Variants in CABP4 observed in about 807,000 individuals in gnomAD.
The protein encoded by CABP4 is calcium binding protein 4.
Under a neutral mutation model 30.7 loss-of-function variants are expected in CABP4, and 30 were observed. The observed-to-expected ratio is 0.98, with a 90% CI of 0.73 to 1.33. The LOEUF (loss-of-function observed/expected upper bound fraction) is 1.33, where lower values mean the gene tolerates loss of function less well. Ranked by LOEUF, CABP4 falls within the 40% of genes most tolerant of loss-of-function variation. The pLI is 0.00. For missense variants in CABP4, 424 were observed against 395.5 expected, an observed-to-expected ratio of 1.07 and a Z score of -0.61; for synonymous variants, 161 against 159.2, an observed-to-expected ratio of 1.01 and a Z score of -0.08.
rs536552621 is a variant in CABP4, at chr11:67,455,525, G to A, written c.102G>A (p.Glu34=). The A allele has an allele frequency of 6.2e-6, 10 of 1,603,584 alleles. No individual in the cohort carries two copies. The highest frequency in any genetic ancestry group is 8.5e-6 in the Non-Finnish European group (10 of 1,176,296). ...TGACTCCCAAGAGTGATGCAGAGGA[G>A]CCCCCGTTGACCAGGAAGAGGAGCA... ...GVVTPKSDAE[E]PPLTRKRSKK... The change falls in exon 1 of 6, where the codon GAG becomes GAA. Residue 34 remains glutamate, a synonymous_variant. Transcript: ENST00000325656.
At chr11:67,453,305 C>T (rs1191752910), upstream of CABP4, 1 of 152,670 alleles carries the variant, frequency 6.6e-6, no homozygotes, top group Non-Finnish European at 1.5e-5. Flanking sequence ...CAGACTTAAT[C>T]TTCTGCCATG....
At chr11:67,458,294 T>A (rs963892282) in intron 4 of CABP4, 77 bp from the exon 5 acceptor site, 16 of 1,111,240 alleles carry the variant, frequency 1.4e-5, no homozygotes, top group East Asian at 3.0e-5. Flanking sequence ...TAAAATAAAA[T>A]AAAAAATAAA....
intron 1 of CABP4, 117 bp from the exon 2 acceptor site, chr11:67,456,071 C>A: frequency 5.6e-6 from 9 of 1,595,198 alleles, no homozygotes; most frequent in Non-Finnish European, 7.7e-6. Flanking sequence ...CTTCAGGGTC[C>A]TTTTCCTACT....
At chr11:67,455,927 G>A in intron 1 of CABP4, 138 bp downstream of exon 1, 1 of 1,330,264 alleles carries the variant, frequency 7.5e-7, no homozygotes, top group Non-Finnish European at 1.0e-6. Flanking sequence ...GGGCAGGGTT[G>A]CTGCGGTTTG....
chr11:67,460,516 T>TATATACAC lies in CABP4; in HGVS notation c.*1858_*1859insTATACACA, dbSNP rs1554998700. ...AAAAAAATAAAGTATATTTTATATA[T>TATATACAC]ACACACACACACACACACACACACA... On this transcript the variant is annotated 3_prime_UTR_variant, in exon 6 of 6. Transcript: ENST00000325656. 1.3e-5 allele frequency among the ~76,000 whole-genome samples: 2 copies of TATATACAC among 149,492 alleles called. No individual in the cohort carries two copies. Among genetic ancestry groups the TATATACAC allele is most frequent in the African/African-American group, 4.9e-5 (2 of 41,032 alleles).
rs1332932149 is a variant in CABP4, at chr11:67,458,810, G to A, written c.*151G>A. 2.2e-6 allele frequency: 2 copies of A among 915,664 alleles called. No individual in the cohort carries two copies. The highest frequency in any genetic ancestry group is 3.4e-6 in the Non-Finnish European group (2 of 581,526). 56.7% of individuals were successfully genotyped at this position (915,664 alleles called of 1,614,324 possible). A position where few individuals can be genotyped will look rare whatever the true frequency, so the allele number is the denominator to read the frequency against. On this transcript the variant is annotated 3_prime_UTR_variant, in exon 6 of 6. Transcript: ENST00000325656. ...CCTGAAAACACCTGGCCTCAATGTT[G>A]GCTTGTTATGTTACCTGCCCACCCT... is the stretch of plus-strand genomic sequence containing the variant.
intron 3 of CABP4, among the ~76,000 whole-genome samples, 168 bp downstream of exon 3, chr11:67,456,610 A>C (rs1211037062): frequency 6.6e-6 from 1 of 152,152 alleles, no homozygotes; most frequent in Non-Finnish European, 1.5e-5. Context: ...TCTGTGTGGG[A>C]AGGCAGGCCA....
chr11:67,452,959 A>C, upstream of CABP4: 1 of 447,782 alleles, frequency 2.2e-6, no homozygotes, highest in Non-Finnish European at 3.9e-6. Context: ...AGGTTCAGAG[A>C]ATCAGTGAAG....
Position 67,455,817 on chromosome 11 carries a change from G to T in CABP4, c.366+28G>T, listed in dbSNP as rs762124890. On this transcript the variant is annotated intron_variant, in intron 1 of 5. Transcript: ENST00000325656. ...TAGGTGGGACCTGGATTGGGCTGGG[G>T]GTCCTGGGGGTGGGGCTGGAGACAC... 26 of 1,552,222 alleles carry T rather than the reference G, an allele frequency of 1.7e-5. No individual in the cohort carries two copies. In the South Asian group the frequency reaches 2.5e-4, roughly 15 times the overall value.
In CABP4 at chr11:67,459,449, C is replaced by T. The variant is rs1864943871; in HGVS notation, c.*790C>T. Reference sequence around the variant, plus strand: ...ACCCCCCGGATATATTCCAGGGTCTCCAAAGGCTAAGATATTAATCTGTCT... The same window carrying T: ...ACCCCCCGGATATATTCCAGGGTCTTCAAAGGCTAAGATATTAATCTGTCT... On this transcript the variant is annotated 3_prime_UTR_variant, in exon 6 of 6. Transcript: ENST00000325656. The T allele has an allele frequency of 6.6e-6, 1 of 152,554 alleles. No individual in the cohort carries two copies. Among genetic ancestry groups the T allele is most frequent in the Non-Finnish European group, 1.5e-5 (1 of 68,370 alleles). The allele number at this position is 152,554 out of a possible 1,614,324, so 9.5% of individuals were successfully genotyped here. A position where few individuals can be genotyped will look rare whatever the true frequency, so the allele number is the denominator to read the frequency against.
rs757305796 is a variant in CABP4 at position 67,456,340 on chromosome 11, G to A, written c.439G>A (p.Gly147Ser). The change falls in exon 3 of 6, where the codon GGC becomes AGC. Residue 147 changes from glycine (G) to serine (S), a missense_variant. Coordinates refer to ENST00000325656, the MANE Select transcript of CABP4 (RefSeq NM_145200.5). ...CGAGGAGTTTGACACTGACCGTGAC[G>A]GCTACATCAGCCACCGGGAGCTGGG... ...AFEEFDTDRD[G>S]YISHRELGDC... 2.2e-5 allele frequency: 35 copies of A among 1,613,686 alleles called. No individual in the cohort carries two copies. The highest frequency in any genetic ancestry group is 2.2e-4 in the Admixed American group (13 of 60,006).
At chr11:67,452,485 G>A (rs769563551), upstream of CABP4, 8 of 1,611,470 alleles carry the variant, frequency 5.0e-6, no homozygotes, top group Non-Finnish European at 6.8e-6. Flanking sequence ...CTGCTGCCAG[G>A]AACAAGAAGT....
chr11:67,457,417 C>T (rs759639468), intron 3 of CABP4, among the ~76,000 whole-genome samples, 156 bp from the exon 4 acceptor site: 18 of 152,290 alleles, frequency 1.2e-4, no homozygotes, highest in African/African-American at 3.8e-4. Flanking sequence ...CAGCCAAGGA[C>T]GGGGGTTCCA....
upstream of CABP4, among the ~76,000 whole-genome samples, chr11:67,454,714 C>T (rs1305032222): frequency 2.0e-5 from 3 of 152,204 alleles, no homozygotes; most frequent in Non-Finnish European, 4.4e-5. Context: ...CAGCCAGACC[C>T]CCTCCCCCAG....
Position 67,455,778 on chromosome 11 carries a change from G to A in CABP4, c.355G>A (p.Val119Ile). Residue 119 changes from valine (V) to isoleucine (I), a missense_variant, in exon 1 of 6, where the codon GTC becomes ATC. Transcript: ENST00000325656. ...GACATACGGGCCCCTGCTCAATCGA[G>A]TCTTCGGGAAGGTTAGGTGGGACCT... ...QRTYGPLLNR[V>I]FGKDRELGPE... is the part of the protein sequence containing the mutation. 1 of 1,576,396 alleles carries A rather than the reference G, an allele frequency of 6.3e-7. No homozygotes were observed. Among genetic ancestry groups the A allele is most frequent in the Non-Finnish European group, 8.6e-7 (1 of 1,161,928 alleles).
intron 5 of CABP4, 30 bp from the exon 6 acceptor site, chr11:67,458,601 T>C (rs1864913653): frequency 6.2e-7 from 1 of 1,614,044 alleles, no homozygotes; most frequent in Admixed American, 1.7e-5. Context: ...TGACGTGGAC[T>C]GACCCAAGCC....
rs1302798525 is a variant in CABP4 at position 67,458,958 on chromosome 11, C to G, written c.*299C>G. 2.0e-6 allele frequency: 1 copy of G among 509,044 alleles called. No homozygotes were observed. The highest frequency in any genetic ancestry group is 3.6e-6 in the Non-Finnish European group (1 of 279,134). 31.5% of individuals were successfully genotyped at this position (509,044 alleles called of 1,614,324 possible). A position where few individuals can be genotyped will look rare whatever the true frequency, so the allele number is the denominator to read the frequency against. On this transcript the variant is annotated 3_prime_UTR_variant, in exon 6 of 6. Transcript: ENST00000325656. ...CTGGGAGGTAGGGAGTTCCCTGGCA[C>G]TGGCAGCATTCAGTGGGGACCCCCC...
At chr11:67,456,531 G>A (rs1864810529) in intron 3 of CABP4, 89 bp downstream of exon 3, 14 of 1,516,734 alleles carry the variant, frequency 9.2e-6, no homozygotes, top group East Asian at 2.3e-5. Context: ...GGAGTCCATC[G>A]GGGTGCTAGT....
rs541691229 is a variant in CABP4, at chr11:67,460,835, A to G, written c.*2176A>G. Among the ~76,000 whole-genome samples the G allele has an allele frequency of 9.9e-5, 15 of 151,932 alleles. No homozygotes were observed. Among genetic ancestry groups the G allele is most frequent in the African/African-American group, 3.4e-4 (14 of 41,448 alleles). On this transcript the variant is annotated 3_prime_UTR_variant, in exon 6 of 6. Coordinates refer to ENST00000325656, the MANE Select transcript of CABP4 (RefSeq NM_145200.5). ...ATCTCTACTAAAAATACAAAAAAAA[A>G]TTAGCTGGGCGTGGTGGCGGGCGCC...
Sources: allele counts gnomAD v4.1 joint callset (sites outside exome capture counted in the v4.1 genomes callset), GRCh38; gene constraint gnomAD v4.1.1; transcripts MANE v1.5; gene names NCBI Gene and HGNC (gene_info 2026-07-23, HGNC 2026-07-21).